KNTC1: variants seen among roughly 807,000 people sequenced by gnomAD.
KNTC1 encodes the protein kinetochore-associated protein 1.
A neutral mutation model predicts 314.4 loss-of-function variants in KNTC1; 253 were observed. The observed-to-expected ratio is 0.80, with a 90% CI of 0.73 to 0.89. The LOEUF (loss-of-function observed/expected upper bound fraction) is 0.89. Ranked by LOEUF, KNTC1 falls within the 40% of genes least tolerant of loss-of-function variation. The pLI, the probability that KNTC1 is intolerant of heterozygous loss-of-function variation, is 0.00. For missense variants in KNTC1, 2,475 were observed against 2,572.9 expected (o/e 0.96, Z 0.82); for synonymous variants, 901 against 901.4 (o/e 1.00, Z 0.01).
In KNTC1 at chr12:122,584,350, G is replaced by A. The variant is rs768942364; in HGVS notation, c.3336G>A (p.Gln1112=). The A allele has an allele frequency of 1.2e-6, 2 of 1,613,510 alleles. No individual in the cohort carries two copies. The highest frequency in any genetic ancestry group is 3.3e-5 in the Admixed American group (2 of 59,976). Reference sequence around the variant, plus strand: ...TTCTGACATGTCAGAAGCTTTGTCAGATGTTGGCTGATAATGTCCCAGTGA... The same window carrying A: ...TTCTGACATGTCAGAAGCTTTGTCAAATGTTGGCTGATAATGTCCCAGTGA... ...LLFLTCQKLC[Q]MLADNVPVTV... is the part of the protein sequence containing the mutation. Residue 1112 remains glutamine (Q), a synonymous_variant, in exon 35 of 64, where the codon CAG becomes CAA. Coordinates refer to ENST00000333479, the MANE Select transcript of KNTC1 (RefSeq NM_014708.6).
intron 44 of KNTC1, 44 bp from the exon 45 acceptor site, chr12:122,601,492 G>A: frequency 1.4e-6 from 2 of 1,456,248 alleles, no homozygotes; most frequent in East Asian, 2.5e-5. Context: ...ATTTCAACAT[G>A]GCAAAGTCTT....
chr12:122,576,441 G>A (rs560840227), intron 29 of KNTC1, among the ~76,000 whole-genome samples: 1 of 152,274 alleles, frequency 6.6e-6, no homozygotes, highest in African/African-American at 2.4e-5. Context: ...AGCACTTTGG[G>A]AGGCCAAGGT....
In KNTC1 at chr12:122,609,389, A is replaced by G. The variant is rs534116201; in HGVS notation, c.5502A>G (p.Pro1834=). 7.6e-6 allele frequency: 12 copies of G among 1,579,186 alleles called. No homozygotes were observed. The highest frequency in any genetic ancestry group is 2.7e-5 in the African/African-American group (2 of 74,340). The change falls in exon 52 of 64, where the codon CCA becomes CCG. Residue 1834 remains proline (P), a synonymous_variant. Transcript: ENST00000333479. The part of the protein sequence containing the change: ...LCPSTKPGEK[P]SELFELQEDE... ...TTTTTCCTACCTTTTCAAAGAAACC[A>G]TCAGAATTATTTGAACTTCAAGAAG...
intron 33 of KNTC1, among the ~76,000 whole-genome samples, chr12:122,581,449 T>G (rs1965420492): frequency 6.6e-6 from 1 of 152,086 alleles, no homozygotes; most frequent in Admixed American, 6.5e-5. Flanking sequence ...TCCGCCCACC[T>G]CGGCCTCCCA....
chr12:122,547,621 A>T (rs917549055), intron 11 of KNTC1, 91 bp downstream of exon 11: 2 of 848,922 alleles, frequency 2.4e-6, no homozygotes, highest in African/African-American at 3.4e-5. Context: ...TATGTTTTAC[A>T]TTCTAAACAA....
In KNTC1 at chr12:122,539,026, A is replaced by G. The variant is rs565684403; in HGVS notation, c.366+572A>G. Among the ~76,000 whole-genome samples the G allele has an allele frequency of 5.9e-5, 9 of 152,350 alleles. No individual in the cohort carries two copies. In the East Asian group the frequency reaches 1.3e-3, roughly 23 times the overall value. The stretch of plus-strand genomic sequence containing the variant: ...TGGTCAGGTGCTTAGCAGGACTGCT[A>G]GAATCCTGATTTAGTAACCTTGGAA... On this transcript the variant is annotated intron_variant, in intron 4 of 63. Coordinates refer to ENST00000333479, the MANE Select transcript of KNTC1 (RefSeq NM_014708.6).
At position 122,551,687 on chromosome 12, in the gene KNTC1, A is replaced by G; in HGVS notation, c.1263A>G (p.Leu421=). The G allele has an allele frequency of 6.2e-7, 1 of 1,611,906 alleles. No homozygotes were observed. Among genetic ancestry groups the G allele is most frequent in the Non-Finnish European group, 8.5e-7 (1 of 1,177,992 alleles). The part of the protein sequence containing the change: ...EAESFAIQFG[L]DVELVYKVKS... ...AGAGTTTTGCCATTCAGTTTGGACT[A>G]GATGTTGAGGTAATCATTCATGTAT... The change falls in exon 16 of 64, where the codon CTA becomes CTG. Residue 421 remains leucine (L), a synonymous_variant. Transcript: ENST00000333479.
rs751817729 is a variant in KNTC1 at position 122,585,602 on chromosome 12, G to A, written c.3535-34G>A. 1.9e-6 allele frequency: 3 copies of A among 1,611,232 alleles called. No homozygotes were observed. In the South Asian group the frequency reaches 3.3e-5, roughly 18 times the overall value. The stretch of plus-strand genomic sequence containing the variant: ...GAAACAATGTGTTGTGCAGCGTACT[G>A]AGTTCTCTCTTTTTTGTATGATTTG... On this transcript the variant is annotated intron_variant, in intron 36 of 63. Transcript: ENST00000333479.
intron 43 of KNTC1, among the ~76,000 whole-genome samples, chr12:122,596,635 G>A (rs1871097479): frequency 6.6e-6 from 1 of 152,038 alleles, no homozygotes; most frequent in African/African-American, 2.4e-5. Flanking sequence ...GAGGCCAGGA[G>A]TTGGAGACCA....
chr12:122,560,380 T>G (rs1317262918), intron 18 of KNTC1, among the ~76,000 whole-genome samples: 1 of 151,992 alleles, frequency 6.6e-6, no homozygotes, highest in South Asian at 2.1e-4. Context: ...GCTAATTCTG[T>G]TTTTTTGAGA....
chr12:122,544,541 C>T (rs1268181556), intron 8 of KNTC1, among the ~76,000 whole-genome samples: 1 of 151,996 alleles, frequency 6.6e-6, no homozygotes, highest in Non-Finnish European at 1.5e-5. Context: ...CAAAAAATTC[C>T]ATTGTTACAG....
chr12:122,565,371 C>T (rs1275455076), intron 20 of KNTC1, among the ~76,000 whole-genome samples: 1 of 151,776 alleles, frequency 6.6e-6, no homozygotes, highest in African/African-American at 2.4e-5. Context: ...CCTCCTGCCT[C>T]GGCCTCCCAA....
chr12:122,540,372 A>C (rs1317785835), intron 5 of KNTC1, among the ~76,000 whole-genome samples: 1 of 151,910 alleles, frequency 6.6e-6, no homozygotes, highest in Non-Finnish European at 1.5e-5. Flanking sequence ...GGGTTTCACC[A>C]TGTTGGCTAG....
At chr12:122,558,457 C>T (rs904036330) in intron 18 of KNTC1, among the ~76,000 whole-genome samples, 4 of 151,874 alleles carry the variant, frequency 2.6e-5, no homozygotes, top group Non-Finnish European at 4.4e-5. Context: ...GATGCTGAGG[C>T]AGGAGAATTG....
intron 41 of KNTC1, 87 bp from the exon 42 acceptor site, chr12:122,591,250 G>A (rs1870148626): frequency 1.3e-6 from 1 of 774,998 alleles, no homozygotes; most frequent in African/African-American, 1.7e-5. Context: ...ACAAAGTTAT[G>A]ATTTTTATTG....
At chr12:122,542,469 T>G (rs1001767586) in intron 6 of KNTC1, among the ~76,000 whole-genome samples, 1 of 152,146 alleles carries the variant, frequency 6.6e-6, no homozygotes, top group Non-Finnish European at 1.5e-5. Context: ...TATGTAGTGT[T>G]AATAGTGCAG....
chr12:122,589,397 A>G (rs1343643180), intron 40 of KNTC1, among the ~76,000 whole-genome samples: 1 of 152,002 alleles, frequency 6.6e-6, no homozygotes, highest in Non-Finnish European at 1.5e-5. Context: ...TGTTTCATCA[A>G]CTGTATTTGG....
intron 20 of KNTC1, among the ~76,000 whole-genome samples, 198 bp downstream of exon 20, chr12:122,562,897 T>C (rs1247661367): frequency 1.3e-5 from 2 of 151,678 alleles, no homozygotes; most frequent in Non-Finnish European, 2.9e-5. Flanking sequence ...TAATCTCAGC[T>C]ACTAGGGAGG....
intron 3 of KNTC1, among the ~76,000 whole-genome samples, chr12:122,536,276 G>A (rs7977922): frequency 0.3 from 45,063 of 149,990 alleles, 7,565 homozygotes; most frequent in East Asian, 0.46. Context: ...CGCCTAGGCC[G>A]GAGTGTGGTG....
Sources: allele counts gnomAD v4.1 joint callset (sites outside exome capture counted in the v4.1 genomes callset), GRCh38; gene constraint gnomAD v4.1.1; transcripts MANE v1.5; gene names NCBI Gene and HGNC (gene_info 2026-07-23, HGNC 2026-07-21).